Variants in KHDRBS2 observed in about 807,000 individuals in gnomAD.
KHDRBS2 encodes the protein KH domain-containing, RNA-binding, signal transduction-associated protein 2.
KHDRBS2 carries 26 observed loss-of-function variants against 44.3 expected under a neutral mutation model. The observed-to-expected ratio is 0.59, with a 90% confidence interval of 0.43 to 0.81. KHDRBS2 has a LOEUF of 0.81. Ranked by LOEUF, KHDRBS2 falls within the 40% of genes least tolerant of loss-of-function variation. The probability of loss-of-function intolerance (pLI) is 0.00; values close to 1 mark genes in which losing one functional copy is unlikely to be tolerated. For synonymous variants in KHDRBS2, 194 were observed against 151.1 expected (o/e 1.28, Z -2.08); for missense variants, 476 against 433.1 (o/e 1.10, Z -0.88).
chr6:61,748,811 G>C (rs968350590), intron 6 of KHDRBS2, among the ~76,000 whole-genome samples: 1 of 151,986 alleles, frequency 6.6e-6, no homozygotes, highest in African/African-American at 2.4e-5. Context: ...ATATATGCTA[G>C]TATAGTGCTG....
At chr6:62,091,311 A>C (rs1329613954) in intron 2 of KHDRBS2, among the ~76,000 whole-genome samples, 1 of 152,172 alleles carries the variant, frequency 6.6e-6, no homozygotes, top group Non-Finnish European at 1.5e-5. Context: ...TATGTAATAC[A>C]TACAGATTTC....
At chr6:62,013,773 C>T (rs1462389336) in intron 3 of KHDRBS2, among the ~76,000 whole-genome samples, 2 of 152,168 alleles carry the variant, frequency 1.3e-5, no homozygotes, top group Non-Finnish European at 2.9e-5. Context: ...CACCAGACAC[C>T]ATTCCCACAG....
intron 6 of KHDRBS2, among the ~76,000 whole-genome samples, chr6:61,749,755 C>A (rs533949297): frequency 6.6e-6 from 1 of 152,224 alleles, no homozygotes; most frequent in South Asian, 2.1e-4. Flanking sequence ...TTTCAATATG[C>A]AGACACCGAA....
intron 6 of KHDRBS2, among the ~76,000 whole-genome samples, chr6:61,886,268 C>T (rs1322435489): frequency 6.6e-6 from 1 of 152,064 alleles, no homozygotes; most frequent in African/African-American, 2.4e-5. Context: ...CCATTATTTC[C>T]CTGCTATCTT....
chr6:61,941,402 G>A (rs1161140418), intron 4 of KHDRBS2, among the ~76,000 whole-genome samples: 3 of 151,886 alleles, frequency 2.0e-5, no homozygotes, highest in South Asian at 2.1e-4. Flanking sequence ...CCACCCACCC[G>A]CTACATTACT....
chr6:62,159,272 ATTAGCTAGGCATTACAG>A, intron 2 of KHDRBS2, among the ~76,000 whole-genome samples: 1 of 152,302 alleles, frequency 6.6e-6, no homozygotes, highest in South Asian at 2.1e-4. Context: ...AAAGTAACCG[ATTAGCTAGGCATTACAG>A]TTGAGTAAAA....
At chr6:62,093,386 G>A (rs188852912) in intron 2 of KHDRBS2, among the ~76,000 whole-genome samples, 97 of 151,934 alleles carry the variant, frequency 6.4e-4, no homozygotes, top group African/African-American at 2.2e-3. Flanking sequence ...CATATTTGTG[G>A]AGTAGAATGT....
chr6:61,815,334 A>T (rs1263195296), intron 6 of KHDRBS2, among the ~76,000 whole-genome samples: 2 of 152,154 alleles, frequency 1.3e-5, no homozygotes, highest in Non-Finnish European at 2.9e-5. Flanking sequence ...TATTTCTGAA[A>T]TTTTCCATTT....
At chr6:62,209,811 T>G (rs746972045) in intron 1 of KHDRBS2, among the ~76,000 whole-genome samples, 4 of 152,158 alleles carry the variant, frequency 2.6e-5, no homozygotes, top group Non-Finnish European at 5.9e-5. Context: ...GCATGATGCT[T>G]CCTGCCCTCG....
intron 4 of KHDRBS2, among the ~76,000 whole-genome samples, chr6:61,906,563 C>T (rs1308464977): frequency 6.6e-6 from 1 of 151,812 alleles, no homozygotes; most frequent in Non-Finnish European, 1.5e-5. Flanking sequence ...ACTATTCTTC[C>T]TGGTCTCTGG....
intron 7 of KHDRBS2, among the ~76,000 whole-genome samples, chr6:61,705,751 G>A (rs879076396): frequency 2.6e-5 from 4 of 151,718 alleles, no homozygotes; most frequent in Admixed American, 2.6e-4. Flanking sequence ...CTACCATCAA[G>A]AACAAGGTCC....
chr6:61,551,457 T>C, the KHDRBS2 span, among the ~76,000 whole-genome samples: 5 of 152,210 alleles, frequency 3.3e-5, no homozygotes, highest in African/African-American at 1.2e-4. Flanking sequence ...ATTTCCAGAA[T>C]GGTATTTCCT....
intron 4 of KHDRBS2, among the ~76,000 whole-genome samples, chr6:61,907,246 C>A (rs1282226127): frequency 6.6e-5 from 10 of 151,836 alleles, no homozygotes; most frequent in Non-Finnish European, 1.3e-4. Flanking sequence ...ATTTTAAACT[C>A]AGATTATCTG....
At chr6:62,081,036 A>G (rs2127354742) in intron 2 of KHDRBS2, among the ~76,000 whole-genome samples, 1 of 152,234 alleles carries the variant, frequency 6.6e-6, no homozygotes, top group South Asian at 2.1e-4. Flanking sequence ...AATACTGACC[A>G]TACGTTATAG....
In KHDRBS2 at chr6:61,834,365, T is replaced by C. The variant is rs189289080; in HGVS notation, c.810+60270A>G. The stretch of plus-strand genomic sequence containing the variant: ...TTTAATCAGCATATGAAATATAAAA[T>C]ACAATGAAACTACATAATGAAGTCA... On this transcript the variant is annotated intron_variant, in intron 6 of 8. Transcript: ENST00000281156. Among the ~76,000 whole-genome samples, 116 of 152,104 alleles carry C rather than the reference T, an allele frequency of 7.6e-4. 1 individual carries two copies. Among genetic ancestry groups the C allele is most frequent in the African/African-American group, 2.6e-3 (107 of 41,564 alleles).
chr6:62,170,169 A>C (rs1819706021), intron 2 of KHDRBS2, among the ~76,000 whole-genome samples: 1 of 151,846 alleles, frequency 6.6e-6, no homozygotes, highest in Admixed American at 6.6e-5. Context: ...ACCCACTCCC[A>C]CAGCACCTAG....
intron 4 of KHDRBS2, among the ~76,000 whole-genome samples, chr6:61,904,852 A>G (rs1804671420): frequency 6.6e-6 from 1 of 152,140 alleles, no homozygotes; most frequent in Non-Finnish European, 1.5e-5. Context: ...TATATGTTCA[A>G]TCCCATTATT....
At chr6:62,035,008 T>C (rs984309793) in intron 3 of KHDRBS2, among the ~76,000 whole-genome samples, 1 of 151,958 alleles carries the variant, frequency 6.6e-6, no homozygotes, top group Non-Finnish European at 1.5e-5. Context: ...AGCAAGGATG[T>C]GGAGAAAAGG....
At chr6:61,579,388 C>T in the KHDRBS2 span, among the ~76,000 whole-genome samples, 1 of 152,218 alleles carries the variant, frequency 6.6e-6, no homozygotes, top group Non-Finnish European at 1.5e-5. Flanking sequence ...CCAAAGCAAA[C>T]TCCTTAGAAA....
Sources: allele counts gnomAD v4.1 joint callset (sites outside exome capture counted in the v4.1 genomes callset), GRCh38; gene constraint gnomAD v4.1.1; transcripts MANE v1.5; gene names NCBI Gene and HGNC (gene_info 2026-07-23, HGNC 2026-07-21).